Variants in CNTNAP2 observed in about 807,000 individuals in gnomAD.
CNTNAP2 encodes contactin associated protein 2, also known as contactin-associated protein-like 2.
A neutral mutation model predicts 155.2 loss-of-function variants in CNTNAP2; 98 were observed. That is an observed-to-expected ratio of 0.63 (90% CI 0.54 to 0.75). The LOEUF (loss-of-function observed/expected upper bound fraction) is 0.75, where lower values mean the gene tolerates loss of function less well. CNTNAP2 is among the 30% of genes least tolerant of loss of function. The pLI is 0.00. For synonymous variants in CNTNAP2, 651 were observed against 631.2 expected (o/e 1.03, Z -0.47); for missense variants, 1,727 against 1,688.1 (o/e 1.02, Z -0.40).
intron 13 of CNTNAP2, among the ~76,000 whole-genome samples, chr7:147,855,767 T>C (rs770650919): frequency 1.3e-5 from 2 of 152,186 alleles, no homozygotes; most frequent in Admixed American, 6.5e-5. Context: ...AGAAAAAATA[T>C]ATATTAAAGA....
intron 12 of CNTNAP2, among the ~76,000 whole-genome samples, chr7:147,601,661 A>G (rs1800949197): frequency 6.9e-6 from 1 of 145,624 alleles, no homozygotes; most frequent in South Asian, 2.1e-4. Context: ...ATATATATAT[A>G]TATATATATA....
At chr7:147,075,295 C>T (rs948814115) in intron 4 of CNTNAP2, among the ~76,000 whole-genome samples, 9 of 152,094 alleles carry the variant, frequency 5.9e-5, no homozygotes, top group African/African-American at 1.9e-4. Context: ...TCTTATGTGT[C>T]GATTTAACCT....
At chr7:148,403,026 TA>T (rs771767920) in intron 22 of CNTNAP2, among the ~76,000 whole-genome samples, 1,187 of 66,656 alleles carry the variant, frequency 0.018, 49 homozygotes, top group African/African-American at 0.046. Context: ...CTTCTGTAGT[TA>T]AAAAAAAAAA....
chr7:148,203,352 G>A (rs1795396378), intron 18 of CNTNAP2, among the ~76,000 whole-genome samples: 1 of 152,168 alleles, frequency 6.6e-6, no homozygotes, highest in Admixed American at 6.5e-5. Flanking sequence ...TTTCCCTCAA[G>A]GAAACTATGT....
chr7:146,266,409 C>A (rs1473307012), intron 1 of CNTNAP2, among the ~76,000 whole-genome samples: 2 of 152,102 alleles, frequency 1.3e-5, no homozygotes, highest in Non-Finnish European at 2.9e-5. Context: ...TTCTTTAAAT[C>A]CCCCAGAGTT....
rs148530990 is a variant in CNTNAP2, at chr7:147,243,904, T to C, written c.1349-56237T>C. 2.7e-3 allele frequency among the ~76,000 whole-genome samples: 409 copies of C among 152,318 alleles called. 1 individual carries two copies. Among genetic ancestry groups the C allele is most frequent in the African/African-American group, 9.2e-3 (383 of 41,566 alleles). On this transcript the variant is annotated intron_variant, in intron 8 of 23. Coordinates refer to ENST00000361727, the MANE Select transcript of CNTNAP2 (RefSeq NM_014141.6). ...AAGGACACACTAAAATTGTAATTTA[T>C]AATTATGGGGTTTTTCCTCACAGAA...
chr7:146,932,006 G>T (rs1399216272), intron 3 of CNTNAP2, among the ~76,000 whole-genome samples: 1 of 150,582 alleles, frequency 6.6e-6, no homozygotes, highest in African/African-American at 2.4e-5. Flanking sequence ...TCTACCAGAG[G>T]TACAAGGAGG....
chr7:146,359,940 C>T (rs969484296), intron 1 of CNTNAP2, among the ~76,000 whole-genome samples: 3 of 152,150 alleles, frequency 2.0e-5, no homozygotes, highest in African/African-American at 7.2e-5. Flanking sequence ...TCTGACTGAT[C>T]TCTTTGATTT....
chr7:147,685,158 T>G (rs1795999848), intron 13 of CNTNAP2, among the ~76,000 whole-genome samples: 1 of 152,166 alleles, frequency 6.6e-6, no homozygotes, highest in African/African-American at 2.4e-5. Flanking sequence ...TGGGTCTATT[T>G]GCCATATGCT....
chr7:146,727,212 C>T (rs1386154329), intron 1 of CNTNAP2, among the ~76,000 whole-genome samples: 8 of 151,968 alleles, frequency 5.3e-5, no homozygotes, highest in African/African-American at 1.9e-4. Context: ...TAAACGATTA[C>T]CTGTTACACA....
intron 6 of CNTNAP2, among the ~76,000 whole-genome samples, chr7:147,127,245 T>C (rs905476712): frequency 1.3e-5 from 2 of 152,308 alleles, no homozygotes; most frequent in South Asian, 2.1e-4. Flanking sequence ...TTCTTCTTTG[T>C]AGTTTTCTGA....
chr7:147,474,216 G>A (rs1024118155), intron 10 of CNTNAP2, among the ~76,000 whole-genome samples: 20 of 101,974 alleles, frequency 2.0e-4, no homozygotes, highest in Admixed American at 1.3e-3. Context: ...ACACCACCCT[G>A]GGCCCAAGGA....
intron 13 of CNTNAP2, among the ~76,000 whole-genome samples, chr7:147,858,424 C>T (rs1272079795): frequency 2.0e-5 from 3 of 152,340 alleles, no homozygotes; most frequent in East Asian, 3.9e-4. Flanking sequence ...GGAAATAAAG[C>T]TTTCCAGTGC....
At chr7:146,512,261 G>T (rs1161291612) in intron 1 of CNTNAP2, among the ~76,000 whole-genome samples, 1 of 150,344 alleles carries the variant, frequency 6.7e-6, no homozygotes, top group South Asian at 2.1e-4. Flanking sequence ...TTGATCTTTT[G>T]TATGTTTTTA....
intron 11 of CNTNAP2, among the ~76,000 whole-genome samples, chr7:147,515,321 C>CTG (rs1799100832): frequency 7.9e-6 from 1 of 126,168 alleles, no homozygotes. Context: ...TCATTATATT[C>CTG]TTTTTTTGTT....
intron 1 of CNTNAP2, among the ~76,000 whole-genome samples, chr7:146,550,414 T>TGTTGTTG (rs1318386372): frequency 5.0e-4 from 62 of 124,820 alleles, no homozygotes; most frequent in South Asian, 9.3e-4. Context: ...TTTTTTTTTT[T>TGTTGTTG]TTTTTTTTTT....
At chr7:146,628,685 T>C (rs2129158257) in intron 1 of CNTNAP2, among the ~76,000 whole-genome samples, 1 of 152,198 alleles carries the variant, frequency 6.6e-6, no homozygotes, top group South Asian at 2.1e-4. Context: ...AGAGTAGAAC[T>C]TTCCTGTTAC....
chr7:147,217,724 T>C lies in CNTNAP2; in HGVS notation c.1349-82417T>C, dbSNP rs75197763. On this transcript the variant is annotated intron_variant, in intron 8 of 23. Transcript: ENST00000361727. Reference sequence around the variant, plus strand: ...TGAAAGTAATTGTAGAGAATTGGTATAATTTATTCTTTAAAAGTTTGGTGG... The same window carrying C: ...TGAAAGTAATTGTAGAGAATTGGTACAATTTATTCTTTAAAAGTTTGGTGG... Among the ~76,000 whole-genome samples, 666 of 152,140 alleles carry C rather than the reference T, an allele frequency of 4.4e-3. 4 individuals are homozygous for C. The highest frequency in any genetic ancestry group is 0.015 in the African/African-American group (632 of 41,568).
chr7:146,758,918 T>G (rs900100704), intron 1 of CNTNAP2, among the ~76,000 whole-genome samples: 1 of 152,150 alleles, frequency 6.6e-6, no homozygotes, highest in African/African-American at 2.4e-5. Flanking sequence ...ACTTGCTTAT[T>G]TCAAAAACCT....
Sources: allele counts gnomAD v4.1 joint callset (sites outside exome capture counted in the v4.1 genomes callset), GRCh38; gene constraint gnomAD v4.1.1; transcripts MANE v1.5; gene names NCBI Gene and HGNC (gene_info 2026-07-23, HGNC 2026-07-21).